Variants in RERE observed in about 807,000 individuals in gnomAD.
The protein encoded by RERE is arginine-glutamic acid dipeptide repeats protein.
RERE carries 40 observed loss-of-function variants against 146.1 expected under a neutral mutation model. The ratio of observed to expected loss-of-function variants is 0.27; its 90% CI spans 0.21 to 0.36. The LOEUF (loss-of-function observed/expected upper bound fraction) is 0.36, where lower values mean the gene tolerates loss of function less well. Among genes scored for constraint, RERE ranks in the 10% least tolerant of loss-of-function variants. The pLI, the probability that RERE is intolerant of heterozygous loss-of-function variation, is 1.00. For synonymous variants in RERE, 1,003 were observed against 866.0 expected (o/e 1.16, Z -2.78); for missense variants, 1,933 against 2,138.7 (o/e 0.90, Z 1.90).
chr1:8,776,085 C>T (rs879796985), intron 1 of RERE, among the ~76,000 whole-genome samples: 18 of 152,166 alleles, frequency 1.2e-4, no homozygotes, highest in Non-Finnish European at 2.6e-4. Flanking sequence ...TTCAAGTAAA[C>T]ACCAAATTAG....
intron 1 of RERE, among the ~76,000 whole-genome samples, chr1:8,696,536 C>T (rs1001306705): frequency 2.0e-5 from 3 of 152,056 alleles, no homozygotes; most frequent in African/African-American, 7.2e-5. Flanking sequence ...ATCGCTTGCA[C>T]CCGCAAGGTG....
intron 4 of RERE, among the ~76,000 whole-genome samples, chr1:8,575,022 G>A (rs1379303667): frequency 6.6e-6 from 1 of 152,110 alleles, no homozygotes; most frequent in African/African-American, 2.4e-5. Context: ...ACATTAACAC[G>A]TATGCACATG....
At chr1:8,527,687 G>A (rs1041403591) in intron 7 of RERE, among the ~76,000 whole-genome samples, 12 of 152,086 alleles carry the variant, frequency 7.9e-5, no homozygotes, top group South Asian at 2.1e-4. Flanking sequence ...CAATGGTGGC[G>A]CCAGCCTTTG....
intron 1 of RERE, among the ~76,000 whole-genome samples, chr1:8,676,926 G>C (rs1356795533): frequency 6.6e-6 from 1 of 152,076 alleles, no homozygotes; most frequent in East Asian, 1.9e-4. Flanking sequence ...AACTTACAAA[G>C]AAAAATCATG....
intron 4 of RERE, among the ~76,000 whole-genome samples, chr1:8,599,405 T>C (rs1401034055): frequency 6.6e-6 from 1 of 152,182 alleles, no homozygotes; most frequent in Admixed American, 6.5e-5. Context: ...GCAAATATAT[T>C]TGATGTTTTT....
intron 1 of RERE, among the ~76,000 whole-genome samples, chr1:8,810,492 G>C (rs942481848): frequency 6.6e-6 from 1 of 152,164 alleles, no homozygotes; most frequent in Non-Finnish European, 1.5e-5. Context: ...TATGGTCCCA[G>C]CTACTCAGGT....
Position 8,364,241 on chromosome 1 carries a change from G to A in RERE, c.1555C>T (p.His519Tyr). Residue 519 changes from histidine (H) to tyrosine (Y), a missense_variant, in exon 15 of 23, where the codon CAC (histidine) becomes TAC (tyrosine). Around this residue, in one of 11 missense-constraint regions of RERE, gnomAD observed 260 missense variants for 378.4 expected, o/e 0.69. Coordinates refer to ENST00000400908, the MANE Select transcript of RERE (RefSeq NM_001042681.2). The surrounding 1 kb of genome is among the most constrained non-coding windows in gnomAD (Gnocchi z 5.1). ...AGGATGTTCTCCCGGCCTCCGTGGT[G>A]CCAATCTTTGGAGGCTGTGTGAGGG... ...HCFTTTSKDW[H>Y]HGGRENILLC... 6.2e-7 allele frequency: 1 copy of A among 1,614,138 alleles called. No homozygotes were observed. The highest frequency in any genetic ancestry group is 8.5e-7 in the Non-Finnish European group (1 of 1,179,996).
At chr1:8,689,837 T>C (rs1639172514) in intron 1 of RERE, among the ~76,000 whole-genome samples, 1 of 151,554 alleles carries the variant, frequency 6.6e-6, no homozygotes, top group Non-Finnish European at 1.5e-5. Flanking sequence ...ACTGTAAATG[T>C]GGGAAACTCA....
chr1:8,656,171 A>C lies in RERE; in HGVS notation c.127T>G (p.Leu43Val). 2 of 1,613,812 alleles carry C rather than the reference A, an allele frequency of 1.2e-6. No homozygotes were observed. Among genetic ancestry groups the C allele is most frequent in the Non-Finnish European group, 1.7e-6 (2 of 1,179,856 alleles). The change falls in exon 2 of 23, where the codon TTG becomes GTG. Residue 43 changes from leucine to valine, a missense_variant. Physicochemically the swap from Leu to Val is conservative, Grantham distance 32. Coordinates refer to ENST00000400908, the MANE Select transcript of RERE (RefSeq NM_001042681.2). The stretch of plus-strand genomic sequence containing the variant: ...GCATAATTTTTGGCTCCTCCTTCCA[A>C]GGTACAGCTCCGGCGTGGCCTTGAA... ...ENSRPRRSCT[L>V]EGGAKNYAES...
intron 1 of RERE, among the ~76,000 whole-genome samples, chr1:8,812,484 T>C (rs940326942): frequency 1.8e-4 from 27 of 152,110 alleles, no homozygotes; most frequent in Non-Finnish European, 3.8e-4. Context: ...CTGTCTCTTC[T>C]AAAAATACAA....
chr1:8,673,344 C>T (rs1184040261), intron 1 of RERE, among the ~76,000 whole-genome samples: 1 of 152,204 alleles, frequency 6.6e-6, no homozygotes, highest in African/African-American at 2.4e-5. Flanking sequence ...GATCCACCTG[C>T]CTCGGCCTCC....
chr1:8,509,618 G>A (rs186091886), intron 7 of RERE, among the ~76,000 whole-genome samples: 1 of 152,198 alleles, frequency 6.6e-6, no homozygotes, highest in East Asian at 1.9e-4. Context: ...AACCAGCCTG[G>A]GCAACACAGA....
chr1:8,502,007 G>A (rs1207651501), intron 8 of RERE, among the ~76,000 whole-genome samples: 1 of 116,542 alleles, frequency 8.6e-6, no homozygotes, highest in African/African-American at 3.2e-5. Flanking sequence ...CCCCCCGCCC[G>A]GCCAGCCGCC....
In RERE at chr1:8,564,660, T is replaced by C. The variant is rs1283072554; in HGVS notation, c.523-7137A>G. ...AAATTAGATCCAGGAATCCCACTTC[T>C]GTGAATTTACCAAAATATTTAAAAT... On this transcript the variant is annotated intron_variant, in intron 4 of 22. Coordinates refer to ENST00000400908, the MANE Select transcript of RERE (RefSeq NM_001042681.2). Among the ~76,000 whole-genome samples the C allele has an allele frequency of 5.3e-5, 8 of 151,676 alleles. 1 individual carries two copies. The highest frequency in any genetic ancestry group is 4.6e-4 in the Admixed American group (7 of 15,258).
chr1:8,765,265 A>G (rs530533424), intron 1 of RERE, among the ~76,000 whole-genome samples: 1 of 152,216 alleles, frequency 6.6e-6, no homozygotes, highest in South Asian at 2.1e-4. Flanking sequence ...TACATGATTC[A>G]ATTAACGTGA....
intron 12 of RERE, among the ~76,000 whole-genome samples, chr1:8,416,861 G>A (rs140878690): frequency 4.6e-5 from 7 of 152,142 alleles, no homozygotes; most frequent in East Asian, 1.9e-4. Context: ...TGGGGGGTCC[G>A]TTAAAATGCA....
intron 2 of RERE, among the ~76,000 whole-genome samples, chr1:8,627,861 T>C (rs544386079): frequency 2.2e-4 from 34 of 152,216 alleles, no homozygotes; most frequent in Non-Finnish European, 4.6e-4. Context: ...CACTAGGATA[T>C]AGCTCTGTTA....
chr1:8,743,040 T>A (rs1289412701), intron 1 of RERE, among the ~76,000 whole-genome samples: 2 of 152,044 alleles, frequency 1.3e-5, no homozygotes, highest in African/African-American at 2.4e-5. Flanking sequence ...ACAACTGTAT[T>A]ATAGAATTTA....
intron 10 of RERE, among the ~76,000 whole-genome samples, chr1:8,481,440 G>A (rs1001899563): frequency 1.3e-5 from 2 of 152,134 alleles, no homozygotes; most frequent in African/African-American, 2.4e-5. Flanking sequence ...TCAAGAAGGC[G>A]CTATAAGGTA....
Sources: allele counts gnomAD v4.1 joint callset (sites outside exome capture counted in the v4.1 genomes callset), GRCh38; gene constraint gnomAD v4.1.1; regional missense constraint gnomAD v4.1.1; non-coding constraint Gnocchi (gnomAD v3.1); transcripts MANE v1.5; gene names NCBI Gene and HGNC (gene_info 2026-07-23, HGNC 2026-07-21).